SDK1: variants seen among roughly 807,000 people sequenced by gnomAD.
The protein encoded by SDK1 is protein sidekick-1.
In SDK1, 157 loss-of-function variants were observed where a neutral mutation model predicts 245.5. The ratio of observed to expected loss-of-function variants is 0.64; its 90% CI spans 0.56 to 0.73. The LOEUF (loss-of-function observed/expected upper bound fraction) is 0.73. Among genes scored for constraint, SDK1 ranks in the 30% least tolerant of loss-of-function variants. The pLI is 0.00. For missense variants in SDK1, 3,583 were observed against 3,002.3 expected (o/e 1.19, Z -4.52); for synonymous variants, 1,647 against 1,278.5 (o/e 1.29, Z -6.15).
chr7:3,757,944 A>G (rs780877833), intron 4 of SDK1, among the ~76,000 whole-genome samples: 3 of 152,168 alleles, frequency 2.0e-5, no homozygotes, highest in Non-Finnish European at 2.9e-5. Flanking sequence ...TGTTAGAACA[A>G]AAGACTCCTA....
intron 1 of SDK1, among the ~76,000 whole-genome samples, chr7:3,415,669 C>T (rs965890796): frequency 1.3e-5 from 2 of 150,930 alleles, no homozygotes; most frequent in African/African-American, 2.4e-5. Flanking sequence ...TTCTGAGCTG[C>T]AAACCCATGC....
intron 5 of SDK1, among the ~76,000 whole-genome samples, chr7:3,884,658 G>C (rs1583511557): frequency 6.6e-6 from 1 of 152,198 alleles, no homozygotes; most frequent in Admixed American, 6.5e-5. Context: ...TGGAGGCTGA[G>C]GGCAAGTGCA....
chr7:4,018,837 G>T (rs943000228), intron 17 of SDK1, among the ~76,000 whole-genome samples: 1 of 152,178 alleles, frequency 6.6e-6, no homozygotes, highest in African/African-American at 2.4e-5. Flanking sequence ...ATCTGTGCGT[G>T]GGTGTGCAGG....
intron 1 of SDK1, among the ~76,000 whole-genome samples, chr7:3,572,664 C>G (rs959430451): frequency 4.6e-5 from 7 of 152,022 alleles, no homozygotes; most frequent in South Asian, 2.1e-4. Context: ...ATTCAGTCAT[C>G]TATTTGTCAA....
At position 4,100,050 on chromosome 7, in the gene SDK1, G is replaced by A. The variant is rs147604345; in HGVS notation, c.3325-10613G>A. The stretch of plus-strand genomic sequence containing the variant: ...GCCTCATGCCCCAGAGATTTTGGCC[G>A]AGGAGCCACTGCTGCTCTCCTCACG... On this transcript the variant is annotated intron_variant, in intron 22 of 44. Coordinates refer to ENST00000404826, the MANE Select transcript of SDK1 (RefSeq NM_152744.4). 1.9e-3 allele frequency among the ~76,000 whole-genome samples: 285 copies of A among 152,326 alleles called. 2 individuals are homozygous for A. Among genetic ancestry groups the A allele is most frequent in the African/African-American group, 6.3e-3 (264 of 41,576 alleles).
chr7:4,120,701 C>G (rs911662173), intron 25 of SDK1, among the ~76,000 whole-genome samples: 1 of 152,010 alleles, frequency 6.6e-6, no homozygotes, highest in Non-Finnish European at 1.5e-5. Flanking sequence ...ACTGCAACCT[C>G]TGCCTCCTGG....
intron 5 of SDK1, among the ~76,000 whole-genome samples, chr7:3,887,237 A>G (rs193043027): frequency 3.3e-4 from 51 of 152,300 alleles, no homozygotes; most frequent in Non-Finnish European, 1.2e-4. Flanking sequence ...GCAAATCACA[A>G]GGATGACTGG....
chr7:4,149,192 G>C, intron 29 of SDK1, 70 bp from the exon 30 acceptor site: 1 of 1,303,626 alleles, frequency 7.7e-7, no homozygotes, highest in Non-Finnish European at 1.0e-6. Context: ...CAGCAGCGTA[G>C]CCTCCTGGGG....
chr7:3,637,025 TG>T (rs567042089), intron 2 of SDK1, among the ~76,000 whole-genome samples: 471 of 151,992 alleles, frequency 3.1e-3, no homozygotes, highest in African/African-American at 0.01. Flanking sequence ...AAAATTAAGT[TG>T]TTTTTTTAAG....
intron 5 of SDK1, among the ~76,000 whole-genome samples, chr7:3,930,747 C>T (rs1038574428): frequency 8.6e-5 from 13 of 151,994 alleles, no homozygotes; most frequent in Non-Finnish European, 1.8e-4. Flanking sequence ...GAGCTGAGAT[C>T]GCACCACTTC....
At chr7:3,933,148 T>TG (rs1780040409) in intron 5 of SDK1, among the ~76,000 whole-genome samples, 2 of 128,916 alleles carry the variant, frequency 1.6e-5, no homozygotes, top group South Asian at 5.3e-4. Context: ...TTTTTTTTTT[T>TG]GAGACAGGCT....
chr7:3,761,569 A>T (rs1223668736), intron 4 of SDK1, among the ~76,000 whole-genome samples: 1 of 148,974 alleles, frequency 6.7e-6, no homozygotes, highest in African/African-American at 2.5e-5. Flanking sequence ...AAAAAAAAAT[A>T]ATAATAATAG....
intron 4 of SDK1, among the ~76,000 whole-genome samples, chr7:3,755,874 CACAT>C (rs1261842425): frequency 6.6e-6 from 1 of 152,018 alleles, no homozygotes; most frequent in Admixed American, 6.6e-5. Context: ...GTGCGTGTGA[CACAT>C]GCATGTTGTT....
chr7:4,064,752 A>T (rs985168898), intron 19 of SDK1, among the ~76,000 whole-genome samples: 28 of 152,200 alleles, frequency 1.8e-4, no homozygotes, highest in Admixed American at 1.0e-3. Context: ...AAATCCTGTC[A>T]TTTGCAGCAA....
At chr7:4,260,811 A>G (rs1287154185) in intron 44 of SDK1, among the ~76,000 whole-genome samples, 1 of 129,660 alleles carries the variant, frequency 7.7e-6, no homozygotes, top group Non-Finnish European at 1.6e-5. Context: ...CACCTGATGG[A>G]GAAGCTGGCT....
chr7:3,537,739 G>A (rs896493032), intron 1 of SDK1, among the ~76,000 whole-genome samples: 11 of 152,206 alleles, frequency 7.2e-5, no homozygotes, highest in African/African-American at 2.7e-4. Flanking sequence ...TGATGTGTCG[G>A]CATTTTGAGG....
intron 1 of SDK1, among the ~76,000 whole-genome samples, chr7:3,602,432 TGAG>T (rs1437315212): frequency 4.8e-5 from 7 of 145,762 alleles, no homozygotes; most frequent in South Asian, 2.3e-4. Context: ...TGGCCAGTGA[TGAG>T]GAGCATTTTT....
intron 40 of SDK1, among the ~76,000 whole-genome samples, chr7:4,223,149 G>C (rs1033510779): frequency 2.0e-5 from 3 of 152,130 alleles, no homozygotes; most frequent in Non-Finnish European, 2.9e-5. Context: ...AGGTTGGTGG[G>C]GGAGGAGGGT....
At chr7:3,372,432 G>T (rs1166521355) in intron 1 of SDK1, among the ~76,000 whole-genome samples, 6 of 152,178 alleles carry the variant, frequency 3.9e-5, no homozygotes, top group African/African-American at 1.2e-4. Flanking sequence ...GCAATAAAAG[G>T]AAAATGATAA....
Sources: allele counts gnomAD v4.1 joint callset (sites outside exome capture counted in the v4.1 genomes callset), GRCh38; gene constraint gnomAD v4.1.1; transcripts MANE v1.5; gene names NCBI Gene and HGNC (gene_info 2026-07-23, HGNC 2026-07-21).